The following DPP6 variants were observed in gnomAD, a reference collection of about 807,000 sequenced individuals.
DPP6 encodes A-type potassium channel modulatory protein DPP6.
In DPP6, 69 loss-of-function variants were observed where a neutral mutation model predicts 122.6. That is an observed-to-expected ratio of 0.56 (90% confidence interval 0.46 to 0.69). DPP6 has a LOEUF of 0.69. DPP6 is among the 30% of genes least tolerant of loss of function. The pLI is 0.00. For synonymous variants in DPP6, 418 were observed against 433.1 expected (o/e 0.97, Z 0.43); for missense variants, 928 against 1,116.9 (o/e 0.83, Z 2.41).
intron 1 of DPP6, among the ~76,000 whole-genome samples, chr7:154,368,842 A>G (rs1398208207): frequency 6.6e-6 from 1 of 152,222 alleles, no homozygotes; most frequent in Non-Finnish European, 1.5e-5. Context: ...CTTCAGCTTC[A>G]AAGAGCATGT....
At position 153,931,683 on chromosome 7, in the gene DPP6, T is replaced by A. The variant is rs188533881; in HGVS notation, c.51+43949T>A. 4.3e-4 allele frequency among the ~76,000 whole-genome samples: 66 copies of A among 152,360 alleles called. 2 individuals are homozygous for A. In the South Asian group the frequency reaches 6.6e-3, roughly 15 times the overall value. On this transcript the variant is annotated intron_variant, in intron 1 of 25. Coordinates refer to the DPP6 transcript ENST00000404039. The stretch of plus-strand genomic sequence containing the variant: ...TCTGTGATACCCTGAGTACACAAAT[T>A]CCTTTTACAAGTGACTTTTCCTCAG...
the DPP6 span, among the ~76,000 whole-genome samples, chr7:153,857,558 T>A: frequency 6.6e-6 from 1 of 152,146 alleles, no homozygotes; most frequent in Non-Finnish European, 1.5e-5. Context: ...CGGAGAAGGT[T>A]TGGGGATATA....
In DPP6 at chr7:154,887,748, C is replaced by G. The variant is rs759192806; in HGVS notation, c.2304+14C>G. ...AGAGCATACGAGGTGTGTATGGGCA[C>G]AACTAGAGAATGTGATGAGACCAGT... On this transcript the variant is annotated intron_variant, in intron 23 of 25. Transcript: ENST00000377770. The G allele has an allele frequency of 3.7e-6, 6 of 1,613,302 alleles. No homozygotes were observed. The South Asian group carries it at 6.6e-5, about 18-fold the overall frequency.
At chr7:153,855,679 G>T in the DPP6 span, among the ~76,000 whole-genome samples, 19 of 152,238 alleles carry the variant, frequency 1.2e-4, no homozygotes, top group African/African-American at 4.3e-4. Flanking sequence ...TTCTGTGTGT[G>T]TTTGGGCACA....
At chr7:154,328,943 G>A (rs75535389) in intron 1 of DPP6, among the ~76,000 whole-genome samples, 209 of 152,272 alleles carry the variant, frequency 1.4e-3, no homozygotes, top group African/African-American at 4.9e-3. Context: ...CATCAGCCAG[G>A]GTTGTTTAGA....
chr7:154,689,763 C>T (rs1839833922), intron 7 of DPP6, among the ~76,000 whole-genome samples: 1 of 152,162 alleles, frequency 6.6e-6, no homozygotes, highest in South Asian at 2.1e-4. Context: ...AATTTAAAAA[C>T]AATTATATCA....
At chr7:153,975,670 T>G (rs1055728857) in intron 1 of DPP6, among the ~76,000 whole-genome samples, 13 of 152,316 alleles carry the variant, frequency 8.5e-5, no homozygotes, top group African/African-American at 2.4e-4. Context: ...TACTTTGGCT[T>G]AATATCAAAA....
At chr7:154,073,633 T>G (rs1361749024) in intron 1 of DPP6, among the ~76,000 whole-genome samples, 12 of 152,248 alleles carry the variant, frequency 7.9e-5, no homozygotes, top group Non-Finnish European at 1.5e-4. Context: ...AATTGCAATG[T>G]GTAAAGGCCA....
At chr7:154,330,029 C>T (rs528044632) in intron 1 of DPP6, among the ~76,000 whole-genome samples, 21 of 148,666 alleles carry the variant, frequency 1.4e-4, no homozygotes, top group African/African-American at 5.1e-4. Flanking sequence ...TGGGGCCTGT[C>T]GGGCGGTGGA....
chr7:153,946,350 T>C (rs1801947176), intron 1 of DPP6, among the ~76,000 whole-genome samples: 1 of 152,174 alleles, frequency 6.6e-6, no homozygotes, highest in Non-Finnish European at 1.5e-5. Flanking sequence ...TTCACGGAAC[T>C]GAGAGTTCCT....
intron 1 of DPP6, among the ~76,000 whole-genome samples, chr7:154,252,319 C>G (rs1298338842): frequency 6.6e-6 from 1 of 152,154 alleles, no homozygotes; most frequent in African/African-American, 2.4e-5. Context: ...AAAATTCCTC[C>G]TGTTCAGTGG....
At chr7:154,659,976 T>A (rs1837513324) in intron 6 of DPP6, among the ~76,000 whole-genome samples, 1 of 152,208 alleles carries the variant, frequency 6.6e-6, no homozygotes, top group African/African-American at 2.4e-5. Context: ...AGAGAGTTGC[T>A]GAAGGCCGTG....
rs772845328 is a variant in DPP6 at position 154,889,259 on chromosome 7, C to T, written c.2305-13C>T. On this transcript the variant is annotated splice_polypyrimidine_tract_variant and intron_variant, in intron 23 of 25. Transcript: ENST00000377770. ...AGCCCCCTAACTCTGTCCCCTTGCC[C>T]CCGCATGTGCAGATGACCAAGGTAG... The T allele has an allele frequency of 1.9e-6, 3 of 1,611,412 alleles. No homozygotes were observed. Among genetic ancestry groups the T allele is most frequent in the Admixed American group, 1.7e-5 (1 of 59,734 alleles).
At chr7:154,791,555 G>T (rs1797683638) in intron 10 of DPP6, among the ~76,000 whole-genome samples, 1 of 152,192 alleles carries the variant, frequency 6.6e-6, no homozygotes, top group African/African-American at 2.4e-5. Flanking sequence ...CCCTTGACAT[G>T]TGGGGATTAT....
chr7:154,585,840 C>G (rs79484777), intron 5 of DPP6, among the ~76,000 whole-genome samples: 1 of 152,152 alleles, frequency 6.6e-6, no homozygotes, highest in South Asian at 2.1e-4. Context: ...TACTCAGGGC[C>G]GACTGTAATT....
intron 1 of DPP6, among the ~76,000 whole-genome samples, chr7:154,211,425 A>G (rs899635087): frequency 1.3e-5 from 2 of 152,090 alleles, no homozygotes; most frequent in African/African-American, 4.8e-5. Context: ...GTCCATCTCC[A>G]TGTTTCTTCC....
At chr7:153,894,535 G>A (rs760266989) in intron 1 of DPP6, among the ~76,000 whole-genome samples, 1 of 152,162 alleles carries the variant, frequency 6.6e-6, no homozygotes, top group Non-Finnish European at 1.5e-5. Flanking sequence ...TTGGACAGTG[G>A]CTCTTGGCAA....
the DPP6 span, among the ~76,000 whole-genome samples, chr7:153,849,614 T>C: frequency 6.6e-6 from 1 of 151,934 alleles, no homozygotes; most frequent in Non-Finnish European, 1.5e-5. Context: ...GCAATTTTTC[T>C]GGAAATGGAA....
the DPP6 span, among the ~76,000 whole-genome samples, chr7:153,843,132 T>A: frequency 6.7e-6 from 1 of 149,374 alleles, no homozygotes. Context: ...GCATACACAC[T>A]TGCATACAGA....
Sources: gnomAD v4.1 joint callset for allele counts (sites outside exome capture counted in the v4.1 genomes callset) on GRCh38, gnomAD v4.1.1 for gene constraint, MANE v1.5 for transcripts, NCBI Gene and HGNC (gene_info 2026-07-23, HGNC 2026-07-21) for gene names.